CNTNAP2: variants seen among roughly 807,000 people sequenced by gnomAD.
CNTNAP2 encodes the protein contactin-associated protein-like 2.
Under a neutral mutation model 155.2 loss-of-function variants are expected in CNTNAP2, and 98 were observed. The observed-to-expected ratio is 0.63, with a 90% CI of 0.54 to 0.75. CNTNAP2 has a LOEUF of 0.75. Among genes scored for constraint, CNTNAP2 ranks in the 30% least tolerant of loss-of-function variants. The pLI is 0.00. For synonymous variants in CNTNAP2, 651 were observed against 631.2 expected (o/e 1.03, Z -0.47); for missense variants, 1,727 against 1,688.1 (o/e 1.02, Z -0.40).
At chr7:147,928,418 G>A (rs1800436482) in intron 14 of CNTNAP2, among the ~76,000 whole-genome samples, 1 of 152,134 alleles carries the variant, frequency 6.6e-6, no homozygotes, top group African/African-American at 2.4e-5. Context: ...GAAATTATGT[G>A]TAAAATGCAT....
In CNTNAP2 at chr7:146,611,913, T is replaced by C. The variant is rs545926658; in HGVS notation, c.98-162358T>C. On this transcript the variant is annotated intron_variant, in intron 1 of 23. Transcript: ENST00000361727. Reference sequence around the variant, plus strand: ...CTTTTGCAAAATCACATGCAGACTTTTCAATATTGAAAGGATTTGTTCAAA... The same window carrying C: ...CTTTTGCAAAATCACATGCAGACTTCTCAATATTGAAAGGATTTGTTCAAA... Among the ~76,000 whole-genome samples the C allele has an allele frequency of 3.4e-4, 52 of 152,302 alleles. 1 individual carries two copies. Among genetic ancestry groups the C allele is most frequent in the African/African-American group, 1.2e-3 (50 of 41,574 alleles).
intron 21 of CNTNAP2, among the ~76,000 whole-genome samples, chr7:148,324,688 C>T (rs1348361541): frequency 1.3e-5 from 2 of 151,126 alleles, no homozygotes; most frequent in Non-Finnish European, 2.9e-5. Flanking sequence ...ATCCCAGCTA[C>T]CCAGGAGGCT....
At chr7:147,221,369 C>T (rs1427177057) in intron 8 of CNTNAP2, among the ~76,000 whole-genome samples, 1 of 152,074 alleles carries the variant, frequency 6.6e-6, no homozygotes, top group Admixed American at 6.5e-5. Context: ...GAAAATGGGG[C>T]CAGGCATGCA....
At chr7:147,568,052 C>G (rs1386486703) in intron 12 of CNTNAP2, among the ~76,000 whole-genome samples, 1 of 152,154 alleles carries the variant, frequency 6.6e-6, no homozygotes, top group Non-Finnish European at 1.5e-5. Context: ...TGCCACTGCA[C>G]TGCAGCCTGG....
At chr7:147,864,196 A>G (rs1799185855) in intron 13 of CNTNAP2, among the ~76,000 whole-genome samples, 2 of 152,066 alleles carry the variant, frequency 1.3e-5, no homozygotes, top group African/African-American at 2.4e-5. Flanking sequence ...TCCTTTCCCC[A>G]TTTCTTGTTT....
intron 2 of CNTNAP2, among the ~76,000 whole-genome samples, chr7:146,820,145 A>G (rs1803249881): frequency 6.6e-6 from 1 of 152,186 alleles, no homozygotes; most frequent in African/African-American, 2.4e-5. Context: ...TACAGTGTAC[A>G]TAATATTTGG....
intron 3 of CNTNAP2, among the ~76,000 whole-genome samples, chr7:146,920,687 T>C (rs1796481745): frequency 6.6e-6 from 1 of 152,220 alleles, no homozygotes; most frequent in Non-Finnish European, 1.5e-5. Context: ...AGTATAGTTC[T>C]ATACTTAAAT....
At chr7:147,287,596 A>G (rs1476709072) in intron 8 of CNTNAP2, among the ~76,000 whole-genome samples, 1 of 151,714 alleles carries the variant, frequency 6.6e-6, no homozygotes, top group Non-Finnish European at 1.5e-5. Flanking sequence ...AGGTAACTTC[A>G]TCTTGCCCCG....
At chr7:148,361,209 A>G (rs1217819214) in intron 21 of CNTNAP2, among the ~76,000 whole-genome samples, 3 of 152,194 alleles carry the variant, frequency 2.0e-5, no homozygotes, top group Non-Finnish European at 4.4e-5. Context: ...TTGCACTTAA[A>G]GTCAACTAAG....
chr7:146,470,770 A>G (rs1425217857), intron 1 of CNTNAP2, among the ~76,000 whole-genome samples: 3 of 151,932 alleles, frequency 2.0e-5, no homozygotes, highest in Non-Finnish European at 4.4e-5. Flanking sequence ...GGGTTTCACC[A>G]TGTCGGCCAG....
At chr7:147,878,020 A>C (rs759178) in intron 13 of CNTNAP2, among the ~76,000 whole-genome samples, 86,702 of 152,018 alleles carry the variant, frequency 0.57, 25,312 homozygotes, top group African/African-American at 0.69. Context: ...TGAGTTTTCT[A>C]ATTACTATAT....
chr7:146,306,549 C>T (rs372644810), intron 1 of CNTNAP2, among the ~76,000 whole-genome samples: 31 of 152,220 alleles, frequency 2.0e-4, no homozygotes, highest in Admixed American at 8.5e-4. Flanking sequence ...TTATCCACCA[C>T]GATCAAGTTG....
intron 14 of CNTNAP2, among the ~76,000 whole-genome samples, chr7:147,957,112 C>G (rs1018530251): frequency 6.6e-6 from 1 of 152,048 alleles, no homozygotes; most frequent in Non-Finnish European, 1.5e-5. Context: ...TTTGAAGAGA[C>G]AGGGGAAAAA....
rs67839065 is a variant in CNTNAP2 at position 147,468,853 on chromosome 7, TCCC to T, written c.1671-17078_1671-17076del. On this transcript the variant is annotated intron_variant, in intron 10 of 23. Coordinates refer to ENST00000361727, the MANE Select transcript of CNTNAP2 (RefSeq NM_014141.6). ...TCTTCTTCTTCTTCTTTTTTTTTTT[TCCC>T]CCCAGACAGAGTGTCACTCTTTCAC... Among the ~76,000 whole-genome samples the T allele has an allele frequency of 4.8e-5, 7 of 145,648 alleles. No individual in the cohort carries two copies. In the East Asian group the frequency reaches 1.4e-3, roughly 30 times the overall value.
intron 1 of CNTNAP2, among the ~76,000 whole-genome samples, chr7:146,495,315 G>A (rs57224759): frequency 0.014 from 2,100 of 152,126 alleles, 42 homozygotes; most frequent in African/African-American, 0.047. Flanking sequence ...TGTTTTCTTC[G>A]AATTAAGGTT....
chr7:147,570,647 C>A (rs1455870386), intron 12 of CNTNAP2, among the ~76,000 whole-genome samples: 6 of 152,166 alleles, frequency 3.9e-5, no homozygotes, highest in African/African-American at 1.4e-4. Flanking sequence ...TTAACTCATC[C>A]AATAACTCAT....
intron 13 of CNTNAP2, among the ~76,000 whole-genome samples, chr7:147,764,734 A>T (rs967302599): frequency 6.6e-6 from 1 of 152,246 alleles, no homozygotes. Flanking sequence ...GTTCTGCTGA[A>T]ATAGCCCAAG....
intron 4 of CNTNAP2, among the ~76,000 whole-genome samples, chr7:147,093,643 C>G (rs1352101553): frequency 2.0e-5 from 3 of 152,148 alleles, no homozygotes; most frequent in African/African-American, 7.2e-5. Context: ...AAAATTCACA[C>G]AATTCTCACA....
At chr7:148,291,553 T>C (rs1797190796) in intron 21 of CNTNAP2, among the ~76,000 whole-genome samples, 3 of 152,090 alleles carry the variant, frequency 2.0e-5, no homozygotes, top group South Asian at 4.1e-4. Flanking sequence ...GGCAGCTGAT[T>C]AGATGGTGCC....
Sources: gnomAD v4.1 joint callset for allele counts (sites outside exome capture counted in the v4.1 genomes callset) on GRCh38, gnomAD v4.1.1 for gene constraint, MANE v1.5 for transcripts, NCBI Gene and HGNC (gene_info 2026-07-23, HGNC 2026-07-21) for gene names.